Variants in PCDHGA12 observed in about 807,000 individuals in gnomAD.
The protein encoded by PCDHGA12 is protocadherin gamma-A12.
PCDHGA12 carries 43 observed loss-of-function variants against 61.1 expected under a neutral mutation model. The ratio of observed to expected loss-of-function variants is 0.70; its 90% confidence interval spans 0.55 to 0.91. PCDHGA12 has a LOEUF of 0.91. Ranked by LOEUF, PCDHGA12 falls within the 40% of genes least tolerant of loss-of-function variation. The probability of loss-of-function intolerance (pLI) is 0.00; values close to 1 mark genes in which losing one functional copy is unlikely to be tolerated. For missense variants in PCDHGA12, 1,236 were observed against 1,227.7 expected (o/e 1.01, Z -0.10); for synonymous variants, 520 against 542.9 (o/e 0.96, Z 0.59).
chr5:141,500,365 C>T (rs888624200), intron 2 of PCDHGA12, among the ~76,000 whole-genome samples: 5 of 151,956 alleles, frequency 3.3e-5, no homozygotes, highest in South Asian at 2.1e-4. Flanking sequence ...CCCACTACCA[C>T]GCCCGGCTAA....
rs747671382 is a variant in PCDHGA12 at position 141,444,152 on chromosome 5, A to ATTTTTTTTTT, written c.2424+10996_2424+11005dup. 1.8e-4 allele frequency among the ~76,000 whole-genome samples: 6 copies of ATTTTTTTTTT among 33,898 alleles called. 2 individuals are homozygous for ATTTTTTTTTT. Among genetic ancestry groups the ATTTTTTTTTT allele is most frequent in the Non-Finnish European group, 3.1e-4 (6 of 19,312 alleles). The allele number at this position is 33,898 out of a possible 152,430, so 22.2% of individuals were successfully genotyped here. A position where few individuals can be genotyped will look rare whatever the true frequency, so the allele number is the denominator to read the frequency against. On this transcript the variant is annotated intron_variant, in intron 1 of 3. Coordinates refer to ENST00000252085, the MANE Select transcript of PCDHGA12 (RefSeq NM_003735.3). ...GATATGTGTCACTTGTGTGTACTGG[A>ATTTTTTTTTT]TTTTTTTTTTTTTTTTTTTTTTTTT...
At chr5:141,449,876 C>T (rs924666805) in intron 1 of PCDHGA12, among the ~76,000 whole-genome samples, 1 of 151,724 alleles carries the variant, frequency 6.6e-6, no homozygotes, top group African/African-American at 2.4e-5. Context: ...AATTTAACAT[C>T]AATGCAATAT....
intron 1 of PCDHGA12, among the ~76,000 whole-genome samples, chr5:141,462,448 G>A (rs1435453503): frequency 6.6e-6 from 1 of 152,022 alleles, no homozygotes; most frequent in Non-Finnish European, 1.5e-5. Context: ...ACACAACTGT[G>A]TAACTGAAAA....
intron 3 of PCDHGA12, among the ~76,000 whole-genome samples, chr5:141,505,976 A>G (rs911235674): frequency 1.3e-5 from 2 of 152,136 alleles, no homozygotes; most frequent in Admixed American, 1.3e-4. Context: ...CCCAGCCGAG[A>G]GAACACCTCC....
Position 141,490,503 on chromosome 5 carries a change from C to A in PCDHGA12, c.2425-4304C>A, listed in dbSNP as rs2099701103. On this transcript the variant is annotated intron_variant, in intron 1 of 3. Coordinates refer to ENST00000252085, the MANE Select transcript of PCDHGA12 (RefSeq NM_003735.3). The surrounding 1 kb of genome is among the most constrained non-coding windows in gnomAD (Gnocchi z 5.4). ...ACCGGGAGGCCACATCCCACTATAT[C>A]ATCGAGCTGCTGGCCAGCGATGCTG... 3.7e-6 allele frequency: 6 copies of A among 1,614,206 alleles called. No individual in the cohort carries two copies. In the African/African-American group the frequency reaches 8.0e-5, roughly 22 times the overall value.
Position 141,431,264 on chromosome 5 carries a change from A to T in PCDHGA12, c.505A>T (p.Ser169Cys). The T allele has an allele frequency of 6.2e-7, 1 of 1,614,170 alleles. No individual in the cohort carries two copies. The change falls in exon 1 of 4, where the codon AGC becomes TGC. Residue 169 changes from serine to cysteine, a missense_variant. Physicochemically the swap from Ser to Cys is moderately radical, Grantham distance 112 (BLOSUM62 -1). Coordinates refer to ENST00000252085, the MANE Select transcript of PCDHGA12 (RefSeq NM_003735.3). This position sits in a 1 kb window ranked among gnomAD's most constrained non-coding sequence, Gnocchi z 4.8. ...GGATATCGGGAAGAACTCTCTGCAG[A>T]GCTACGAGCTCAGCCCGAACACTCA... ...DPDIGKNSLQ[S>C]YELSPNTHFS...
chr5:141,457,937 G>A (rs916509260), intron 1 of PCDHGA12, among the ~76,000 whole-genome samples: 1 of 152,166 alleles, frequency 6.6e-6, no homozygotes, highest in African/African-American at 2.4e-5. Flanking sequence ...GGCTTTTATT[G>A]GCTCTGCATG....
At chr5:141,438,487 G>T (rs1030201971) in intron 1 of PCDHGA12, among the ~76,000 whole-genome samples, 9 of 150,284 alleles carry the variant, frequency 6.0e-5, no homozygotes, top group African/African-American at 2.2e-4. Flanking sequence ...GTCTCTTGGA[G>T]AAAAAAGAAT....
intron 2 of PCDHGA12, among the ~76,000 whole-genome samples, chr5:141,504,238 G>A (rs1043662594): frequency 2.0e-5 from 3 of 152,228 alleles, no homozygotes; most frequent in African/African-American, 7.2e-5. Flanking sequence ...CTAAGAAGCA[G>A]AGAGTTCTTC....
Position 141,490,532 on chromosome 5 carries a change from C to T in PCDHGA12, c.2425-4275C>T. Reference sequence around the variant, plus strand: ...GAGCTGCTGGCCAGCGATGCTGGTTCACCTTCCCTACACAAACATCTCACC... The same window carrying T: ...GAGCTGCTGGCCAGCGATGCTGGTTTACCTTCCCTACACAAACATCTCACC... On this transcript the variant is annotated intron_variant, in intron 1 of 3. Coordinates refer to ENST00000252085, the MANE Select transcript of PCDHGA12 (RefSeq NM_003735.3). This position sits in a 1 kb window ranked among gnomAD's most constrained non-coding sequence, Gnocchi z 5.4. 6.2e-7 allele frequency: 1 copy of T among 1,614,142 alleles called. No homozygotes were observed. Among genetic ancestry groups the T allele is most frequent in the Non-Finnish European group, 8.5e-7 (1 of 1,180,030 alleles).
intron 1 of PCDHGA12, among the ~76,000 whole-genome samples, chr5:141,459,678 G>A (rs1240789253): frequency 2.0e-5 from 3 of 152,184 alleles, no homozygotes; most frequent in African/African-American, 7.2e-5. Flanking sequence ...CATGAGCAAT[G>A]CATAAAGCGT....
intron 3 of PCDHGA12, among the ~76,000 whole-genome samples, chr5:141,505,729 G>A (rs1026403192): frequency 7.9e-5 from 12 of 152,286 alleles, no homozygotes; most frequent in African/African-American, 2.9e-4. Flanking sequence ...AGGGAATAGT[G>A]GTTACAAGTC....
chr5:141,432,707 G>T lies in PCDHGA12; in HGVS notation c.1948G>T (p.Gly650Cys). The T allele has an allele frequency of 6.2e-7, 1 of 1,613,988 alleles. No homozygotes were observed. The highest frequency in any genetic ancestry group is 1.1e-5 in the South Asian group (1 of 91,080). ...CCTCGTAGTGGCCGTCCAGGACCAC[G>T]GCCAGCCCCCTCTCTCCGCCACTGT... The part of the protein sequence containing the change: ...QSLVVAVQDH[G>C]QPPLSATVTL... The change falls in exon 1 of 4, where the codon GGC becomes TGC. Residue 650 changes from glycine (G) to cysteine (C), a missense_variant. By Grantham distance (159) the Gly-to-Cys change is radical. Transcript: ENST00000252085. The surrounding 1 kb of genome is among the most constrained non-coding windows in gnomAD (Gnocchi z 6.0).
chr5:141,472,980 C>CAAAAAAAAAAAAAAAAAAAAAAAAAAAA (rs60579131), intron 1 of PCDHGA12, among the ~76,000 whole-genome samples: 1 of 86,106 alleles, frequency 1.2e-5, no homozygotes, highest in Non-Finnish European at 2.5e-5. Flanking sequence ...GAGTGAAACT[C>CAAAAAAAAAAAAAAAAAAAAAAAAAAAA]AAAAAAAAAA....
intron 1 of PCDHGA12, among the ~76,000 whole-genome samples, chr5:141,479,129 C>T (rs2099488562): frequency 6.6e-6 from 1 of 152,154 alleles, no homozygotes; most frequent in South Asian, 2.1e-4. Context: ...AAATGATGTG[C>T]ACCCTGCTTA....
At position 141,477,748 on chromosome 5, in the gene PCDHGA12, C is replaced by T; in HGVS notation, c.2425-17059C>T. ...CAGCTCATATCAGCGATGGGGGCAC[C>T]CCGGTCCTAGCCACCAACATCAGCG... On this transcript the variant is annotated intron_variant, in intron 1 of 3. Transcript: ENST00000252085. The surrounding 1 kb of genome is among the most constrained non-coding windows in gnomAD (Gnocchi z 4.9). 6.2e-7 allele frequency: 1 copy of T among 1,613,872 alleles called. No homozygotes were observed. The highest frequency in any genetic ancestry group is 1.1e-5 in the South Asian group (1 of 91,080).
intron 1 of PCDHGA12, among the ~76,000 whole-genome samples, chr5:141,452,745 GGAA>G (rs2098748194): frequency 6.6e-6 from 1 of 152,054 alleles, no homozygotes; most frequent in Non-Finnish European, 1.5e-5. Flanking sequence ...AGAGAGAGAA[GGAA>G]GAAGGAAGGG....
At chr5:141,453,608 C>T (rs1015022396) in intron 1 of PCDHGA12, among the ~76,000 whole-genome samples, 6 of 152,068 alleles carry the variant, frequency 3.9e-5, no homozygotes, top group South Asian at 2.1e-4. Context: ...TTTTGCAAAA[C>T]GCAAAAACAA....
At chr5:141,464,343 A>T (rs944042669) in intron 1 of PCDHGA12, among the ~76,000 whole-genome samples, 1 of 151,308 alleles carries the variant, frequency 6.6e-6, no homozygotes, top group South Asian at 2.1e-4. Flanking sequence ...ATGACTTGTC[A>T]TTTAGGTAGT....
Sources: gnomAD v4.1 joint callset for allele counts (sites outside exome capture counted in the v4.1 genomes callset) on GRCh38, gnomAD v4.1.1 for gene constraint, Gnocchi (gnomAD v3.1) non-coding constraint, MANE v1.5 for transcripts, NCBI Gene and HGNC (gene_info 2026-07-23, HGNC 2026-07-21) for gene names.